The following DYM variants were observed in gnomAD, a reference collection of about 807,000 sequenced individuals.
DYM encodes the protein dyggve-Melchior-Clausen syndrome protein.
Under a neutral mutation model 93.1 loss-of-function variants are expected in DYM, and 78 were observed. The ratio of observed to expected loss-of-function variants is 0.84; its 90% CI spans 0.70 to 1.01. The LOEUF (loss-of-function observed/expected upper bound fraction) is 1.01. Ranked by LOEUF, DYM falls within the 50% of genes least tolerant of loss-of-function variation. The pLI, the probability that DYM is intolerant of heterozygous loss-of-function variation, is 0.00. For missense variants in DYM, 789 were observed against 845.0 expected (o/e 0.93, Z 0.82); for synonymous variants, 321 against 319.7 (o/e 1.00, Z -0.04).
intron 2 of DYM, among the ~76,000 whole-genome samples, chr18:49,405,284 A>T (rs1355117306): frequency 6.6e-6 from 1 of 152,104 alleles, no homozygotes; most frequent in African/African-American, 2.4e-5. Flanking sequence ...TTTTGTTACA[A>T]TTGTTTTTCA....
At chr18:49,200,626 G>A (rs745650727) in intron 14 of DYM, among the ~76,000 whole-genome samples, 1 of 151,332 alleles carries the variant, frequency 6.6e-6, no homozygotes, top group African/African-American at 2.4e-5. Context: ...CCTTTCTTTA[G>A]GTTAAGTTCT....
intron 13 of DYM, among the ~76,000 whole-genome samples, chr18:49,247,888 C>A (rs1276600555): frequency 6.6e-6 from 1 of 152,144 alleles, no homozygotes; most frequent in African/African-American, 2.4e-5. Flanking sequence ...AAAAGCAAAC[C>A]AAGCCAGATT....
chr18:49,185,951 T>C (rs2090393484), intron 14 of DYM, among the ~76,000 whole-genome samples: 1 of 152,172 alleles, frequency 6.6e-6, no homozygotes, highest in Admixed American at 6.5e-5. Flanking sequence ...GACACCTTCC[T>C]GTTTAGTTTT....
intron 13 of DYM, among the ~76,000 whole-genome samples, chr18:49,236,153 G>A (rs1371800435): frequency 6.6e-6 from 1 of 152,048 alleles, no homozygotes; most frequent in Non-Finnish European, 1.5e-5. Context: ...ATATGAGAAT[G>A]GCCTGCGAAA....
chr18:49,075,760 T>C (rs1218948492), intron 17 of DYM, among the ~76,000 whole-genome samples: 1 of 152,068 alleles, frequency 6.6e-6, no homozygotes, highest in Non-Finnish European at 1.5e-5. Flanking sequence ...ACTTTTGAGG[T>C]GGGGAAAAAG....
Position 49,119,748 on chromosome 18 carries a change from T to C in DYM, c.1729-822A>G, listed in dbSNP as rs75916427. Among the ~76,000 whole-genome samples, 190 of 152,190 alleles carry C rather than the reference T, an allele frequency of 1.2e-3. 8 individuals are homozygous for C. The East Asian group carries it at 0.036, about 29-fold the overall frequency. On this transcript the variant is annotated intron_variant, in intron 15 of 17. Transcript: ENST00000675505. ...TAGACTGCGATAAGCTATGTACATATAATGTAATGTCTAGAGCAAATCTGC... is the reference window on the plus strand; with the variant it reads ...TAGACTGCGATAAGCTATGTACATACAATGTAATGTCTAGAGCAAATCTGC...
intron 5 of DYM, among the ~76,000 whole-genome samples, chr18:49,370,202 T>C (rs973421916): frequency 6.8e-6 from 1 of 147,472 alleles, no homozygotes. Flanking sequence ...TGCATGAACC[T>C]GGGAGGCGGA....
At chr18:49,153,506 C>A (rs1430347299) in intron 15 of DYM, among the ~76,000 whole-genome samples, 2 of 152,126 alleles carry the variant, frequency 1.3e-5, no homozygotes, top group Non-Finnish European at 2.9e-5. Flanking sequence ...ACCCGATGAA[C>A]TGGAGCATCT....
chr18:49,060,393 T>C (rs928158896), intron 17 of DYM, among the ~76,000 whole-genome samples: 5 of 152,016 alleles, frequency 3.3e-5, no homozygotes, highest in African/African-American at 1.2e-4. Flanking sequence ...GTGCGGATGC[T>C]TCCCTCCCTC....
intron 2 of DYM, among the ~76,000 whole-genome samples, chr18:49,427,384 A>G (rs1202238182): frequency 6.6e-6 from 1 of 152,176 alleles, no homozygotes; most frequent in Non-Finnish European, 1.5e-5. Flanking sequence ...GTGGACACCT[A>G]TATTCTACAT....
intron 15 of DYM, among the ~76,000 whole-genome samples, chr18:49,123,401 T>A (rs1030494796): frequency 3.3e-5 from 5 of 152,168 alleles, no homozygotes; most frequent in Non-Finnish European, 7.4e-5. Context: ...TGTTTCAAGA[T>A]CCCATGGTGA....
chr18:49,389,943 G>A (rs1038943556), intron 3 of DYM, among the ~76,000 whole-genome samples: 1 of 151,852 alleles, frequency 6.6e-6, no homozygotes, highest in African/African-American at 2.4e-5. Context: ...CACCTTAAAA[G>A]CCATTATCAC....
At chr18:49,172,047 C>A (rs2088815177) in intron 14 of DYM, among the ~76,000 whole-genome samples, 1 of 152,182 alleles carries the variant, frequency 6.6e-6, no homozygotes, top group South Asian at 2.1e-4. Flanking sequence ...CCCTTCCCCT[C>A]ACCCTTCCAG....
At chr18:49,149,281 G>T (rs2085534169) in intron 15 of DYM, among the ~76,000 whole-genome samples, 1 of 152,020 alleles carries the variant, frequency 6.6e-6, no homozygotes, top group Admixed American at 6.6e-5. Flanking sequence ...CTGCTGTGTG[G>T]CTCAGTTCCA....
chr18:49,204,667 G>A (rs1009766891), intron 14 of DYM, among the ~76,000 whole-genome samples: 21 of 152,200 alleles, frequency 1.4e-4, no homozygotes, highest in African/African-American at 5.1e-4. Flanking sequence ...ACAGTCATCA[G>A]AAGCAGCATG....
chr18:49,361,730 A>AT (rs2066039045), intron 6 of DYM, among the ~76,000 whole-genome samples: 1 of 151,596 alleles, frequency 6.6e-6, no homozygotes, highest in Non-Finnish European at 1.5e-5. Flanking sequence ...TTAATTTTTT[A>AT]TTTTTTTTGT....
intron 1 of DYM, among the ~76,000 whole-genome samples, chr18:49,433,264 G>A (rs947798912): frequency 1.3e-5 from 2 of 152,180 alleles, no homozygotes; most frequent in Non-Finnish European, 2.9e-5. Context: ...TGGAAGCAAT[G>A]AATAATAGTT....
intron 3 of DYM, among the ~76,000 whole-genome samples, chr18:49,390,185 G>A (rs1483975057): frequency 6.6e-6 from 1 of 152,160 alleles, no homozygotes; most frequent in Non-Finnish European, 1.5e-5. Flanking sequence ...CACTTTGGGG[G>A]TCCAAGGTAG....
chr18:49,283,266 G>A (rs1679154449), intron 9 of DYM, among the ~76,000 whole-genome samples: 1 of 152,146 alleles, frequency 6.6e-6, no homozygotes, highest in South Asian at 2.1e-4. Context: ...TCCAGCCATT[G>A]CAGGTTGGGG....
Sources: gnomAD v4.1 joint callset for allele counts (sites outside exome capture counted in the v4.1 genomes callset) on GRCh38, gnomAD v4.1.1 for gene constraint, MANE v1.5 for transcripts, NCBI Gene and HGNC (gene_info 2026-07-23, HGNC 2026-07-21) for gene names.